The following CFAP299 variants were observed in gnomAD, a reference collection of about 807,000 sequenced individuals.
CFAP299 encodes the protein cilia and flagella associated protein 299.
CFAP299 carries 21 observed loss-of-function variants against 27.0 expected under a neutral mutation model. The observed-to-expected ratio is 0.78, with a 90% CI of 0.55 to 1.12. The LOEUF (loss-of-function observed/expected upper bound fraction) is 1.12. Among genes scored for constraint, CFAP299 ranks in the 50% most tolerant of loss-of-function variants. The pLI, the probability that CFAP299 is intolerant of heterozygous loss-of-function variation, is 0.00. For synonymous variants in CFAP299, 104 were observed against 98.1 expected (o/e 1.06, Z -0.36); for missense variants, 310 against 276.6 (o/e 1.12, Z -0.86).
chr4:80,325,444 C>G, the CFAP299 span, among the ~76,000 whole-genome samples: 1 of 152,056 alleles, frequency 6.6e-6, no homozygotes, highest in Non-Finnish European at 1.5e-5. Context: ...CTAGAATTAC[C>G]CTTAGTTGTG....
At chr4:80,689,416 C>A (rs1720488909) in intron 3 of CFAP299, among the ~76,000 whole-genome samples, 1 of 152,186 alleles carries the variant, frequency 6.6e-6, no homozygotes, top group Non-Finnish European at 1.5e-5. Flanking sequence ...GAATTTTCAA[C>A]ACAGAATTTC....
intron 2 of CFAP299, among the ~76,000 whole-genome samples, chr4:80,365,186 G>T (rs544281690): frequency 6.6e-6 from 1 of 152,192 alleles, no homozygotes; most frequent in South Asian, 2.1e-4. Flanking sequence ...GGCAAACAAT[G>T]GTTGAATAAT....
intron 1 of CFAP299, among the ~76,000 whole-genome samples, chr4:80,338,605 T>G (rs1722280070): frequency 6.6e-6 from 1 of 152,240 alleles, no homozygotes; most frequent in South Asian, 2.1e-4. Context: ...ATCTATACTT[T>G]CATCTGATTA....
intron 2 of CFAP299, among the ~76,000 whole-genome samples, chr4:80,521,731 A>G (rs72875725): frequency 0.079 from 11,979 of 151,930 alleles, 543 homozygotes; most frequent in Non-Finnish European, 0.094. Context: ...TGTGACTGGC[A>G]TATTTTACTT....
chr4:80,554,222 C>G (rs1289272418), intron 2 of CFAP299, among the ~76,000 whole-genome samples: 1 of 151,552 alleles, frequency 6.6e-6, no homozygotes, highest in Non-Finnish European at 1.5e-5. Context: ...CTAAGTTATC[C>G]CAGCATCATT....
intron 3 of CFAP299, among the ~76,000 whole-genome samples, chr4:80,604,994 A>T (rs1311713019): frequency 1.3e-5 from 2 of 152,150 alleles, no homozygotes; most frequent in South Asian, 2.1e-4. Context: ...CTGGAAAAAA[A>T]GTAACAGTTT....
At chr4:80,722,145 C>T (rs1364880031) in intron 3 of CFAP299, among the ~76,000 whole-genome samples, 1 of 152,180 alleles carries the variant, frequency 6.6e-6, no homozygotes, top group Non-Finnish European at 1.5e-5. Context: ...GAGCCAGGCT[C>T]AGTGGCTCAT....
chr4:80,632,271 A>C (rs927284336), intron 3 of CFAP299, among the ~76,000 whole-genome samples: 7 of 144,980 alleles, frequency 4.8e-5, no homozygotes, highest in Admixed American at 3.6e-4. Flanking sequence ...TTTTCCTTTA[A>C]TAAAGAACAA....
At chr4:80,837,880 C>T (rs1418932242) in intron 3 of CFAP299, among the ~76,000 whole-genome samples, 2 of 152,158 alleles carry the variant, frequency 1.3e-5, no homozygotes, top group Non-Finnish European at 2.9e-5. Context: ...AATTTACACT[C>T]CCACCAACAG....
chr4:80,604,764 A>G (rs915789481), intron 3 of CFAP299, among the ~76,000 whole-genome samples: 4 of 152,208 alleles, frequency 2.6e-5, no homozygotes, highest in Admixed American at 2.0e-4. Context: ...GAATGCAGGG[A>G]CAACAATCAA....
intron 3 of CFAP299, among the ~76,000 whole-genome samples, chr4:80,641,540 A>G (rs762890681): frequency 6.6e-6 from 1 of 152,234 alleles, no homozygotes; most frequent in Non-Finnish European, 1.5e-5. Flanking sequence ...AATGGTATTT[A>G]GCTGAAGATT....
chr4:80,362,592 T>C (rs1056482108), intron 1 of CFAP299, among the ~76,000 whole-genome samples, 162 bp from the exon 2 acceptor site: 1 of 152,104 alleles, frequency 6.6e-6, no homozygotes, highest in Non-Finnish European at 1.5e-5. Flanking sequence ...AGAAAAATTC[T>C]AGTTTTTTTA....
intron 2 of CFAP299, among the ~76,000 whole-genome samples, chr4:80,494,807 A>T (rs1475978670): frequency 6.6e-6 from 1 of 152,210 alleles, no homozygotes; most frequent in Non-Finnish European, 1.5e-5. Context: ...TTCTGATACA[A>T]GTTACTTATT....
intron 2 of CFAP299, among the ~76,000 whole-genome samples, chr4:80,542,183 A>G (rs997652026): frequency 3.3e-5 from 5 of 152,044 alleles, no homozygotes; most frequent in African/African-American, 7.2e-5. Flanking sequence ...CAGGCCTTCA[A>G]TCTCTGACTG....
rs78525102 is a variant in CFAP299, at chr4:80,541,736, T to G, written c.243-41357T>G. Among the ~76,000 whole-genome samples, 955 of 152,268 alleles carry G rather than the reference T, an allele frequency of 6.3e-3. 12 individuals carry two copies. Among genetic ancestry groups the G allele is most frequent in the African/African-American group, 0.022 (921 of 41,554 alleles). On this transcript the variant is annotated intron_variant, in intron 2 of 5. Coordinates refer to ENST00000358105, the MANE Select transcript of CFAP299 (RefSeq NM_152770.3). ...ATTCTTGCTCTCACTAGATTCAGCTTAGTGAGGAGAATAGACATTTAATAA... is the reference window on the plus strand; with the variant it reads ...ATTCTTGCTCTCACTAGATTCAGCTGAGTGAGGAGAATAGACATTTAATAA...
chr4:80,894,705 AT>A (rs1195936219), intron 4 of CFAP299, among the ~76,000 whole-genome samples: 1 of 152,016 alleles, frequency 6.6e-6, no homozygotes, highest in Admixed American at 6.6e-5. Flanking sequence ...ATTTAAAAAA[AT>A]GTAACCACTA....
At chr4:80,921,820 C>T (rs572222714) in intron 4 of CFAP299, among the ~76,000 whole-genome samples, 3 of 151,492 alleles carry the variant, frequency 2.0e-5, no homozygotes, top group East Asian at 3.9e-4. Flanking sequence ...GGAAGCAAGC[C>T]GATAAAGGGC....
intron 3 of CFAP299, among the ~76,000 whole-genome samples, chr4:80,843,422 A>G (rs57814152): frequency 6.6e-6 from 1 of 151,996 alleles, no homozygotes; most frequent in Non-Finnish European, 1.5e-5. Flanking sequence ...ATCCTTTTTA[A>G]GGCTGCATAG....
intron 2 of CFAP299, among the ~76,000 whole-genome samples, chr4:80,536,284 T>C (rs1368994673): frequency 6.6e-6 from 1 of 152,178 alleles, no homozygotes. Flanking sequence ...AGTCACTAAG[T>C]GGTTTCCAGT....
Sources: gnomAD v4.1 joint callset for allele counts (sites outside exome capture counted in the v4.1 genomes callset) on GRCh38, gnomAD v4.1.1 for gene constraint, MANE v1.5 for transcripts, NCBI Gene and HGNC (gene_info 2026-07-23, HGNC 2026-07-21) for gene names.